The following SCFD2 variants were observed in gnomAD, a reference collection of about 807,000 sequenced individuals.
The protein encoded by SCFD2 is sec1 family domain containing 2.
In SCFD2, 54 loss-of-function variants were observed where a neutral mutation model predicts 58.9. That is an observed-to-expected ratio of 0.92 (90% CI 0.74 to 1.15). The LOEUF (loss-of-function observed/expected upper bound fraction) is 1.15. Ranked by LOEUF, SCFD2 falls within the 50% of genes most tolerant of loss-of-function variation. The pLI is 0.00. For missense variants in SCFD2, 805 were observed against 836.6 expected (o/e 0.96, Z 0.47); for synonymous variants, 321 against 335.9 (o/e 0.96, Z 0.49).
rs181461451 is a variant in SCFD2, at chr4:53,120,313, T to C, written c.1561+25020A>G. 2.2e-4 allele frequency among the ~76,000 whole-genome samples: 33 copies of C among 152,340 alleles called. No individual in the cohort carries two copies. In the East Asian group the frequency reaches 5.6e-3, roughly 26 times the overall value. The stretch of plus-strand genomic sequence containing the variant: ...CACCAGAATGGCAGCTGTCATTTAC[T>C]GGAGGTTATGTTTAAGGCGTTGTTC... On this transcript the variant is annotated intron_variant, in intron 5 of 8. Coordinates refer to ENST00000401642, the MANE Select transcript of SCFD2 (RefSeq NM_152540.4).
chr4:53,338,674 G>A (rs112664611), intron 2 of SCFD2, among the ~76,000 whole-genome samples: 17,696 of 131,790 alleles, frequency 0.13, 1,249 homozygotes, highest in East Asian at 0.25. Flanking sequence ...TCCGCCTCCC[G>A]GGTTCACGCC....
intron 2 of SCFD2, among the ~76,000 whole-genome samples, chr4:53,332,050 A>G (rs368065865): frequency 2.0e-5 from 3 of 152,204 alleles, no homozygotes; most frequent in African/African-American, 7.2e-5. Flanking sequence ...AAACCAGGAA[A>G]AAGTTGAATC....
intron 5 of SCFD2, chr4:52,949,289 T>C (rs948952167): frequency 6.6e-6 from 1 of 152,200 alleles, no homozygotes; most frequent in African/African-American, 2.4e-5. Flanking sequence ...ACATGAATAC[T>C]TCGACTTATA....
chr4:52,894,099 C>A (rs910208028), intron 7 of SCFD2, among the ~76,000 whole-genome samples: 6 of 152,200 alleles, frequency 3.9e-5, no homozygotes, highest in Non-Finnish European at 8.8e-5. Flanking sequence ...TTTGTTGCCA[C>A]TTAAGGCAAT....
In SCFD2 at chr4:53,173,154, GT is replaced by G. The variant is rs551903874; in HGVS notation, c.1312-27573del. Reference sequence around the variant, plus strand: ...TTAAAGTCTATTTTGTCTAATATAAGTACAGATGCCCCTTAACTTGTAATAG... The same window carrying G: ...TTAAAGTCTATTTTGTCTAATATAAGACAGATGCCCCTTAACTTGTAATAG... On this transcript the variant is annotated intron_variant, in intron 4 of 8. Transcript: ENST00000401642. 1.3e-3 allele frequency among the ~76,000 whole-genome samples: 194 copies of G among 152,176 alleles called. 2 individuals carry two copies. The South Asian group carries it at 0.014, about 11-fold the overall frequency.
intron 5 of SCFD2, among the ~76,000 whole-genome samples, chr4:53,130,109 AAAATAAC>A (rs1314558857): frequency 6.6e-6 from 1 of 152,224 alleles, no homozygotes; most frequent in Non-Finnish European, 1.5e-5. Flanking sequence ...AAAATTTTTA[AAAATAAC>A]TATAACATCT....
chr4:53,335,222 A>T (rs1346628971), intron 2 of SCFD2, among the ~76,000 whole-genome samples: 1 of 151,502 alleles, frequency 6.6e-6, no homozygotes, highest in Non-Finnish European at 1.5e-5. Flanking sequence ...AACAACAAAA[A>T]AAAAAACAAC....
intron 2 of SCFD2, among the ~76,000 whole-genome samples, chr4:53,337,293 T>G (rs1393848225): frequency 6.6e-6 from 1 of 152,158 alleles, no homozygotes; most frequent in African/African-American, 2.4e-5. Context: ...AAGACACCAG[T>G]CAGAATTGGA....
chr4:53,329,799 G>A (rs1733366021), intron 2 of SCFD2, among the ~76,000 whole-genome samples: 1 of 151,808 alleles, frequency 6.6e-6, no homozygotes. Context: ...ATTACTCTGA[G>A]CTACGGGAGG....
intron 6 of SCFD2, among the ~76,000 whole-genome samples, chr4:52,918,804 G>A (rs139755822): frequency 4.2e-4 from 64 of 152,246 alleles, no homozygotes; most frequent in Non-Finnish European, 7.6e-4. Context: ...CCCAAGAAGC[G>A]GACCTTGGGC....
intron 5 of SCFD2, among the ~76,000 whole-genome samples, chr4:53,137,912 A>G (rs1725990131): frequency 6.6e-6 from 1 of 152,200 alleles, no homozygotes; most frequent in Admixed American, 6.5e-5. Context: ...AGGTGTGCCA[A>G]GCTGCTGCTT....
At chr4:53,302,966 A>T (rs1308780713) in intron 3 of SCFD2, among the ~76,000 whole-genome samples, 1 of 152,238 alleles carries the variant, frequency 6.6e-6, no homozygotes, top group African/African-American at 2.4e-5. Flanking sequence ...TGGATTAAAG[A>T]CTTACATGTT....
chr4:52,895,312 C>T (rs1718978845), intron 7 of SCFD2, among the ~76,000 whole-genome samples: 2 of 152,094 alleles, frequency 1.3e-5, no homozygotes, highest in African/African-American at 2.4e-5. Context: ...CTAATGCTAT[C>T]CCTCTCCCCT....
intron 5 of SCFD2, among the ~76,000 whole-genome samples, chr4:53,093,724 A>G (rs911549419): frequency 6.7e-6 from 1 of 148,308 alleles, no homozygotes; most frequent in African/African-American, 2.5e-5. Context: ...GCAGATTTCA[A>G]TGCTATGATT....
chr4:53,214,690 C>T (rs1728751458), intron 4 of SCFD2, among the ~76,000 whole-genome samples: 1 of 152,074 alleles, frequency 6.6e-6, no homozygotes, highest in Admixed American at 6.6e-5. Context: ...GCTTTTGTTG[C>T]CATTGCTTTC....
At chr4:53,086,387 T>C (rs1724304999) in intron 5 of SCFD2, among the ~76,000 whole-genome samples, 1 of 152,076 alleles carries the variant, frequency 6.6e-6, no homozygotes, top group African/African-American at 2.4e-5. Context: ...CAATAACAAA[T>C]GCTGACAAAG....
At chr4:53,078,775 C>T (rs1724056177) in intron 5 of SCFD2, among the ~76,000 whole-genome samples, 2 of 152,152 alleles carry the variant, frequency 1.3e-5, no homozygotes, top group South Asian at 2.1e-4. Context: ...TGGTCTTATC[C>T]ACAATGCTGT....
Position 52,885,732 on chromosome 4 carries a change from T to A in SCFD2, c.1962+15A>T, listed in dbSNP as rs1718723194. ...TACTTCTGAGCTCTTGTTCAAAGCA[T>A]GGAGGACTCAGTACCTGGGTTCCTG... On this transcript the variant is annotated intron_variant, in intron 8 of 8. Coordinates refer to ENST00000401642, the MANE Select transcript of SCFD2 (RefSeq NM_152540.4). 9.3e-6 allele frequency: 15 copies of A among 1,613,434 alleles called. No homozygotes were observed. The highest frequency in any genetic ancestry group is 1.3e-5 in the Non-Finnish European group (15 of 1,179,578).
At chr4:53,162,540 T>A (rs1458964459) in intron 4 of SCFD2, among the ~76,000 whole-genome samples, 1 of 152,134 alleles carries the variant, frequency 6.6e-6, no homozygotes, top group East Asian at 1.9e-4. Context: ...GTTGAACTAG[T>A]TTACAGTCCC....
Sources: gnomAD v4.1 joint callset for allele counts (sites outside exome capture counted in the v4.1 genomes callset) on GRCh38, gnomAD v4.1.1 for gene constraint, MANE v1.5 for transcripts, NCBI Gene and HGNC (gene_info 2026-07-23, HGNC 2026-07-21) for gene names.